ZNF407: variants seen among roughly 807,000 people sequenced by gnomAD.
ZNF407 encodes the protein zinc finger protein 407.
In ZNF407, 17 loss-of-function variants were observed where a neutral mutation model predicts 131.2. The ratio of observed to expected loss-of-function variants is 0.13; its 90% CI spans 0.09 to 0.19. The LOEUF is 0.19. ZNF407 is among the 10% of genes least tolerant of loss of function. The pLI is 1.00. For missense variants in ZNF407, 2,681 were observed against 2,830.6 expected, an observed-to-expected ratio of 0.95 and a Z score of 1.20; for synonymous variants, 1,156 against 1,062.0, an observed-to-expected ratio of 1.09 and a Z score of -1.72.
chr18:74,861,522 T>C (rs1370417616), intron 4 of ZNF407, among the ~76,000 whole-genome samples: 1 of 152,246 alleles, frequency 6.6e-6, no homozygotes, highest in Non-Finnish European at 1.5e-5. Context: ...ACGTTTGCTT[T>C]CAACTAAAAG....
chr18:75,053,473 C>T (rs574304058), intron 8 of ZNF407, among the ~76,000 whole-genome samples: 84 of 152,176 alleles, frequency 5.5e-4, no homozygotes, highest in Non-Finnish European at 1.1e-3. Flanking sequence ...TCAGGGTTTC[C>T]ATTTGAAAGT....
chr18:74,989,903 G>C lies in ZNF407; in HGVS notation c.5428+69211G>C, dbSNP rs549166579. On this transcript the variant is annotated intron_variant, in intron 8 of 8. Coordinates refer to ENST00000299687, the MANE Select transcript of ZNF407 (RefSeq NM_017757.3). ...AAAAATGAAATTTTGATGCTTTTCT[G>C]TGATAATTATTTATATACTTTTCAT... Among the ~76,000 whole-genome samples the C allele has an allele frequency of 2.2e-3, 336 of 151,280 alleles. 2 individuals are homozygous for C. The highest frequency in any genetic ancestry group is 7.4e-3 in the African/African-American group (305 of 41,282).
At chr18:74,969,976 A>C (rs1038586946) in intron 8 of ZNF407, among the ~76,000 whole-genome samples, 2 of 152,174 alleles carry the variant, frequency 1.3e-5, no homozygotes, top group African/African-American at 2.4e-5. Flanking sequence ...TTTGACTTAC[A>C]GTCTGGGGAG....
intron 3 of ZNF407, among the ~76,000 whole-genome samples, chr18:74,700,697 G>A (rs975617628): frequency 2.0e-5 from 3 of 152,174 alleles, no homozygotes; most frequent in South Asian, 2.1e-4. Context: ...GTTTACAGTG[G>A]TAGAGATACT....
chr18:75,060,507 CTTTTTTT>C (rs564194650), intron 8 of ZNF407, among the ~76,000 whole-genome samples: 1 of 124,464 alleles, frequency 8.0e-6, no homozygotes, highest in Non-Finnish European at 1.6e-5. Context: ...TTCTTTTTTT[CTTTTTTT>C]TTTTTTTTTG....
chr18:74,657,049 A>G (rs888327371), intron 3 of ZNF407, among the ~76,000 whole-genome samples: 2 of 148,902 alleles, frequency 1.3e-5, no homozygotes, highest in Non-Finnish European at 3.0e-5. Flanking sequence ...TTATTTTACT[A>G]ATATAAAGTA....
At chr18:74,860,307 CGAAGAAGAA>C (rs142538676) in intron 4 of ZNF407, among the ~76,000 whole-genome samples, 45 of 150,622 alleles carry the variant, frequency 3.0e-4, no homozygotes, top group African/African-American at 1.0e-3. Flanking sequence ...TTAAAAAAAA[CGAAGAAGAA>C]GAAGAAGAAG....
At chr18:75,045,984 A>T (rs1973431179) in intron 8 of ZNF407, among the ~76,000 whole-genome samples, 1 of 152,228 alleles carries the variant, frequency 6.6e-6, no homozygotes, top group Non-Finnish European at 1.5e-5. Flanking sequence ...GTATTTGCAT[A>T]TGATGAACCA....
At chr18:74,609,872 C>A (rs1265074701) in intron 1 of ZNF407, among the ~76,000 whole-genome samples, 1 of 152,146 alleles carries the variant, frequency 6.6e-6, no homozygotes, top group African/African-American at 2.4e-5. Context: ...CCCTAAGTAT[C>A]CTGTGGCTTA....
At chr18:74,856,482 TCTG>T (rs1568243071) in intron 4 of ZNF407, among the ~76,000 whole-genome samples, 1 of 152,226 alleles carries the variant, frequency 6.6e-6, no homozygotes, top group Non-Finnish European at 1.5e-5. Flanking sequence ...TTACTATGCT[TCTG>T]CTGGTGAGGA....
At chr18:74,660,993 A>T (rs372227595) in intron 3 of ZNF407, among the ~76,000 whole-genome samples, 1 of 152,210 alleles carries the variant, frequency 6.6e-6, no homozygotes, top group Non-Finnish European at 1.5e-5. Flanking sequence ...GCTATTATCT[A>T]TTAAAAGCGG....
chr18:75,030,155 C>G (rs1973223033), intron 8 of ZNF407, among the ~76,000 whole-genome samples: 1 of 152,112 alleles, frequency 6.6e-6, no homozygotes, highest in South Asian at 2.1e-4. Context: ...AAAACATGAT[C>G]ATACCAAGTT....
intron 4 of ZNF407, among the ~76,000 whole-genome samples, chr18:74,805,382 T>A (rs1320126234): frequency 1.3e-5 from 2 of 152,214 alleles, no homozygotes; most frequent in African/African-American, 4.8e-5. Flanking sequence ...AATTCTCCAG[T>A]TGAACTGTCA....
chr18:74,999,348 T>TAAA (rs71170334), intron 8 of ZNF407, among the ~76,000 whole-genome samples: 27 of 60,466 alleles, frequency 4.5e-4, no homozygotes, highest in Non-Finnish European at 6.8e-4. Context: ...TAGAGTATAA[T>TAAA]AAAAAAAAAA....
intron 4 of ZNF407, among the ~76,000 whole-genome samples, chr18:74,842,321 A>G (rs1300712615): frequency 6.6e-6 from 1 of 151,910 alleles, no homozygotes; most frequent in Non-Finnish European, 1.5e-5. Context: ...CCTCTTTGAA[A>G]CTCCATTATA....
rs962918662 is a variant in ZNF407 at position 74,994,315 on chromosome 18, A to T, written c.5429-68835A>T. Among the ~76,000 whole-genome samples, 6 of 152,326 alleles carry T rather than the reference A, an allele frequency of 3.9e-5. No homozygotes were observed. In the East Asian group the frequency reaches 9.6e-4, roughly 24 times the overall value. On this transcript the variant is annotated intron_variant, in intron 8 of 8. Coordinates refer to ENST00000299687, the MANE Select transcript of ZNF407 (RefSeq NM_017757.3). The stretch of plus-strand genomic sequence containing the variant: ...ATTTACAATGAGATAAAAGTATAAG[A>T]GAGTAGTTCTTTGTGCCATCCTTGC...
chr18:74,786,638 G>A (rs1969718154), intron 4 of ZNF407, among the ~76,000 whole-genome samples: 2 of 151,884 alleles, frequency 1.3e-5, no homozygotes, highest in African/African-American at 4.8e-5. Flanking sequence ...GCGTGGGGAA[G>A]GGGGTTATAT....
intron 4 of ZNF407, among the ~76,000 whole-genome samples, chr18:74,799,852 G>T (rs868014697): frequency 5.4e-4 from 79 of 146,776 alleles, no homozygotes; most frequent in Middle Eastern, 7.2e-3. Flanking sequence ...AGATGTATTT[G>T]TCATTCTTAG....
intron 3 of ZNF407, among the ~76,000 whole-genome samples, chr18:74,691,158 A>G (rs1967213129): frequency 6.6e-6 from 1 of 152,130 alleles, no homozygotes; most frequent in Admixed American, 6.5e-5. Context: ...GTCTGCCTGT[A>G]ATCCCAGCTA....
Sources: allele counts gnomAD v4.1 joint callset (sites outside exome capture counted in the v4.1 genomes callset), GRCh38; gene constraint gnomAD v4.1.1; transcripts MANE v1.5; gene names NCBI Gene and HGNC (gene_info 2026-07-23, HGNC 2026-07-21).